TMEM95: variants seen among roughly 807,000 people sequenced by gnomAD.
TMEM95 encodes transmembrane protein 95.
TMEM95 carries 21 observed loss-of-function variants against 27.7 expected under a neutral mutation model. The observed-to-expected ratio is 0.76, with a 90% CI of 0.54 to 1.09. The LOEUF (loss-of-function observed/expected upper bound fraction) is 1.09, where lower values mean the gene tolerates loss of function less well. Ranked by LOEUF, TMEM95 falls within the 50% of genes least tolerant of loss-of-function variation. TMEM95 has a pLI of 0.00. For missense variants in TMEM95, 203 were observed against 217.9 expected, an observed-to-expected ratio of 0.93 and a Z score of 0.43; for synonymous variants, 77 against 85.7, an observed-to-expected ratio of 0.90 and a Z score of 0.56.
Position 7,356,417 on chromosome 17 carries a change from G to T in TMEM95, c.435G>T (p.Lys145Asn). The change falls in exon 6 of 7, where the codon AAG becomes AAT. Residue 145 changes from lysine (K) to asparagine (N), a missense_variant. Physicochemically the swap from Lys to Asn is moderately conservative, Grantham distance 94 (BLOSUM62 0). Coordinates refer to ENST00000576060, the MANE Select transcript of TMEM95 (RefSeq NM_001320436.2). The part of the protein sequence containing the change: ...FPGSQDLWEA[K>N]ILLLSIFGAF... The stretch of plus-strand genomic sequence containing the variant: ...GAAGTCAGGATCTTTGGGAAGCCAA[G>T]ATTCTGCTCCTCTCCATCTTCGGAG... 6.2e-7 allele frequency: 1 copy of T among 1,614,146 alleles called. No homozygotes were observed. Among genetic ancestry groups the T allele is most frequent in the East Asian group, 2.2e-5 (1 of 44,882 alleles).
intron 6 of TMEM95, 35 bp downstream of exon 6, chr17:7,356,514 G>T (rs201061022): frequency 3.7e-6 from 6 of 1,611,818 alleles, no homozygotes; most frequent in Non-Finnish European, 5.1e-6. Context: ...ATCCTACCCC[G>T]CCCAGTGCCT....
chr17:7,356,998 C>A lies in TMEM95; in HGVS notation c.*366C>A. The stretch of plus-strand genomic sequence containing the variant: ...ACACCCACACCCCCTTCTGCCTGTT[C>A]CGGGAAAGCGGGGGCATCTGCCCCA... On this transcript the variant is annotated 3_prime_UTR_variant, in exon 7 of 7. Transcript: ENST00000576060. 3.0e-6 allele frequency: 1 copy of A among 330,796 alleles called. No homozygotes were observed. Among genetic ancestry groups the A allele is most frequent in the Non-Finnish European group, 5.5e-6 (1 of 181,248 alleles). The allele number at this position is 330,796 out of a possible 1,614,324, so 20.5% of individuals were successfully genotyped here. A position where few individuals can be genotyped will look rare whatever the true frequency, so the allele number is the denominator to read the frequency against.
Position 7,355,331 on chromosome 17 carries a change from A to C in TMEM95, c.127A>C (p.Lys43Gln). Reference sequence around the variant, plus strand: ...CTGCAGCCAGATGGAGGCCAGGCAGAAGGAATGTGGGGCCTCCCCAGACTT... The same window carrying C: ...CTGCAGCCAGATGGAGGCCAGGCAGCAGGAATGTGGGGCCTCCCCAGACTT... Reference protein sequence around the residue: ...RLCSQMEARQKECGASPDFSA... With the variant: ...RLCSQMEARQQECGASPDFSA... The change falls in exon 1 of 7, where the codon AAG (lysine) becomes CAG (glutamine). Residue 43 changes from lysine (K) to glutamine (Q), a missense_variant. Coordinates refer to ENST00000576060, the MANE Select transcript of TMEM95 (RefSeq NM_001320436.2). This position sits in a 1 kb window ranked among gnomAD's most constrained non-coding sequence, Gnocchi z 4.9. 2 of 1,614,054 alleles carry C rather than the reference A, an allele frequency of 1.2e-6. No homozygotes were observed. The highest frequency in any genetic ancestry group is 1.7e-6 in the Non-Finnish European group (2 of 1,179,958).
rs757197166 is a variant in TMEM95, at chr17:7,355,420, T to A, written c.169+47T>A. On this transcript the variant is annotated intron_variant, in intron 1 of 6. Coordinates refer to ENST00000576060, the MANE Select transcript of TMEM95 (RefSeq NM_001320436.2). The surrounding 1 kb of genome is among the most constrained non-coding windows in gnomAD (Gnocchi z 4.9). ...TGGGCCCAGCAAGCACTCACCCCCC[T>A]ACCCCCAGAGGGTGGCATGTGACCT... 1 of 1,584,928 alleles carries A rather than the reference T, an allele frequency of 6.3e-7. No individual in the cohort carries two copies. Among genetic ancestry groups the A allele is most frequent in the Non-Finnish European group, 8.6e-7 (1 of 1,162,528 alleles).
chr17:7,356,951 AATCCCC>A lies in TMEM95; in HGVS notation c.*320_*325del. 1 of 425,972 alleles carries A rather than the reference AATCCCC, an allele frequency of 2.3e-6. No individual in the cohort carries two copies. The highest frequency in any genetic ancestry group is 4.2e-6 in the Non-Finnish European group (1 of 239,960). The allele number at this position is 425,972 out of a possible 1,614,324, so 26.4% of individuals were successfully genotyped here. A position where few individuals can be genotyped will look rare whatever the true frequency, so the allele number is the denominator to read the frequency against. On this transcript the variant is annotated 3_prime_UTR_variant, in exon 7 of 7. Transcript: ENST00000576060. Reference sequence around the variant, plus strand: ...CAGGAAAATATCTACAGAAGGAAAGAATCCCCTACGCCACTCCCACCACACCCACAC... The same window carrying A: ...CAGGAAAATATCTACAGAAGGAAAGATACGCCACTCCCACCACACCCACAC...
At position 7,356,303 on chromosome 17, in the gene TMEM95, C is replaced by G. The variant is rs149256252; in HGVS notation, c.409+27C>G. ...TCCTCACGCCCATCTTGGCCCCGCC[C>G]CACCTTGCCCAGATCCCTGAGCCCT... On this transcript the variant is annotated intron_variant, in intron 5 of 6. Coordinates refer to ENST00000576060, the MANE Select transcript of TMEM95 (RefSeq NM_001320436.2). 6.0e-5 allele frequency: 95 copies of G among 1,594,028 alleles called. No individual in the cohort carries two copies. The African/African-American group carries it at 1.0e-3, about 17-fold the overall frequency.
In TMEM95 at chr17:7,355,737, G is replaced by GTAC. The variant is rs1388604217; in HGVS notation, c.226+95_226+96insTAC. The GTAC allele has an allele frequency of 8.9e-6, 13 of 1,467,770 alleles. No individual in the cohort carries two copies. The highest frequency in any genetic ancestry group is 1.2e-5 in the Non-Finnish European group (13 of 1,051,508). 90.9% of individuals were successfully genotyped at this position (1,467,770 alleles called of 1,614,324 possible). A position where few individuals can be genotyped will look rare whatever the true frequency, so the allele number is the denominator to read the frequency against. ...TTGGGGTGGGCAGGGAAGGGTGGAG[G>GTAC]GGTAGAGACAGGAGGGCTGATCAGG... On this transcript the variant is annotated intron_variant, in intron 2 of 6. Transcript: ENST00000576060. This position sits in a 1 kb window ranked among gnomAD's most constrained non-coding sequence, Gnocchi z 4.9.
In TMEM95 at chr17:7,355,285, G is replaced by C. The variant is rs769057672; in HGVS notation, c.81G>C (p.Leu27Phe). 3.7e-6 allele frequency: 6 copies of C among 1,614,090 alleles called. No homozygotes were observed. Residue 27 changes from leucine to phenylalanine, a missense_variant, in exon 1 of 7, where the codon TTG becomes TTC. By Grantham distance (22) the Leu-to-Phe change is conservative. Transcript: ENST00000576060. This position sits in a 1 kb window ranked among gnomAD's most constrained non-coding sequence, Gnocchi z 4.9. ...TCTGTCGCCTCCCAGCCCACGACTT[G>C]TCAGGCCGCCTGGCTCGGCTCTGCA... is the stretch of plus-strand genomic sequence containing the variant. The part of the protein sequence containing the change: ...CVFCRLPAHD[L>F]SGRLARLCSQ...
At position 7,356,383 on chromosome 17, in the gene TMEM95, T is replaced by C. The variant is rs761212450; in HGVS notation, c.410-9T>C. ...CAGAATCATTCACTGCCTCCTGGGT[T>C]CCCTGCAGGAAGTCAGGATCTTTGG... On this transcript the variant is annotated splice_polypyrimidine_tract_variant and intron_variant, in intron 5 of 6. Coordinates refer to ENST00000576060, the MANE Select transcript of TMEM95 (RefSeq NM_001320436.2). The C allele has an allele frequency of 3.0e-5, 49 of 1,613,590 alleles. No homozygotes were observed. Among genetic ancestry groups the C allele is most frequent in the Middle Eastern group, 3.3e-4 (2 of 6,062 alleles).
rs373020071 is a variant in TMEM95, at chr17:7,355,266, G to A, written c.62G>A (p.Arg21His). The change falls in exon 1 of 7, where the codon CGC becomes CAC. Residue 21 changes from arginine to histidine, a missense_variant. Physicochemically the swap from Arg to His is conservative, Grantham distance 29 (BLOSUM62 0). Transcript: ENST00000576060. This position sits in a 1 kb window ranked among gnomAD's most constrained non-coding sequence, Gnocchi z 4.9. ...GCCGCCCAGGCTTGTGTCTTCTGTC[G>A]CCTCCCAGCCCACGACTTGTCAGGC... is the stretch of plus-strand genomic sequence containing the variant. ...LAAAQACVFC[R>H]LPAHDLSGRL... 16 of 1,613,792 alleles carry A rather than the reference G, an allele frequency of 9.9e-6. No homozygotes were observed. The highest frequency in any genetic ancestry group is 5.3e-5 in the African/African-American group (4 of 74,926).
At position 7,356,220 on chromosome 17, in the gene TMEM95, G is replaced by C; in HGVS notation, c.353G>C (p.Cys118Ser). Residue 118 changes from cysteine to serine, a missense_variant, in exon 5 of 7, where the codon TGC becomes TCC. Coordinates refer to ENST00000576060, the MANE Select transcript of TMEM95 (RefSeq NM_001320436.2). ...GGGGGCAGCACCACGCTGTACAACT[G>C]CTCCACCTGCAAGGGGACGGAGGTG... ...ACRGSTTLYNCSTCKGTEVSC... is the reference protein window; with the variant it reads ...ACRGSTTLYNSSTCKGTEVSC... 1 of 1,565,772 alleles carries C rather than the reference G, an allele frequency of 6.4e-7. No homozygotes were observed. The highest frequency in any genetic ancestry group is 8.6e-7 in the Non-Finnish European group (1 of 1,156,314).
At position 7,355,392 on chromosome 17, in the gene TMEM95, G is replaced by A; in HGVS notation, c.169+19G>A. On this transcript the variant is annotated intron_variant, in intron 1 of 6. Coordinates refer to ENST00000576060, the MANE Select transcript of TMEM95 (RefSeq NM_001320436.2). The surrounding 1 kb of genome is among the most constrained non-coding windows in gnomAD (Gnocchi z 4.9). The stretch of plus-strand genomic sequence containing the variant: ...GCCTTAGGTAGGACCAGACATCCAG[G>A]GATGGGCCCAGCAAGCACTCACCCC... 6.2e-7 allele frequency: 1 copy of A among 1,601,590 alleles called. No homozygotes were observed. Among genetic ancestry groups the A allele is most frequent in the East Asian group, 2.2e-5 (1 of 44,608 alleles).
Position 7,356,074 on chromosome 17 carries a change from CA to C in TMEM95, c.328+27del. 3 of 1,614,052 alleles carry C rather than the reference CA, an allele frequency of 1.9e-6. No individual in the cohort carries two copies. The Admixed American group carries it at 5.0e-5, about 27-fold the overall frequency. ...CGTGAGTAGGAAAGGAAAGGGGTAG[CA>C]AGGACCTGGGGCCTGCAGGGTGTCA... On this transcript the variant is annotated intron_variant, in intron 4 of 6. Transcript: ENST00000576060.
In TMEM95 at chr17:7,355,437, A is replaced by G; in HGVS notation, c.169+64A>G. ...CACCCCCCTACCCCCAGAGGGTGGC[A>G]TGTGACCTTCCAGCTGTGCCCTCCA... On this transcript the variant is annotated intron_variant, in intron 1 of 6. Coordinates refer to ENST00000576060, the MANE Select transcript of TMEM95 (RefSeq NM_001320436.2). This position sits in a 1 kb window ranked among gnomAD's most constrained non-coding sequence, Gnocchi z 4.9. The G allele has an allele frequency of 6.4e-7, 1 of 1,572,730 alleles. No homozygotes were observed. Among genetic ancestry groups the G allele is most frequent in the South Asian group, 1.2e-5 (1 of 86,228 alleles).
intron 6 of TMEM95, 21 bp downstream of exon 6, chr17:7,356,500 A>G (rs777275431): frequency 6.2e-7 from 1 of 1,613,520 alleles, no homozygotes; most frequent in Admixed American, 1.7e-5. Context: ...GGATAAAGAC[A>G]GGAATCCTAC....
rs374332620 is a variant in TMEM95, at chr17:7,356,512, C to T, written c.497+33C>T. On this transcript the variant is annotated intron_variant, in intron 6 of 6. Transcript: ENST00000576060. Reference sequence around the variant, plus strand: ...TTGGGATAAAGACAGGAATCCTACCCCGCCCAGTGCCTTCCACCACCCATC... The same window carrying T: ...TTGGGATAAAGACAGGAATCCTACCTCGCCCAGTGCCTTCCACCACCCATC... 1.9e-6 allele frequency: 3 copies of T among 1,612,298 alleles called. No individual in the cohort carries two copies. In the African/African-American group the frequency reaches 4.0e-5, roughly 22 times the overall value.
At position 7,356,186 on chromosome 17, in the gene TMEM95, T is replaced by C. The variant is rs2073497398; in HGVS notation, c.329-10T>C. On this transcript the variant is annotated splice_polypyrimidine_tract_variant and intron_variant, in intron 4 of 6. Transcript: ENST00000576060. ...CCCCTCCCCAGCGTTGCCTCTGCTGTCTCCTGCAGGGGGCAGCACCACGCT... is the reference window on the plus strand; with the variant it reads ...CCCCTCCCCAGCGTTGCCTCTGCTGCCTCCTGCAGGGGGCAGCACCACGCT... The C allele has an allele frequency of 1.3e-6, 2 of 1,574,394 alleles. No homozygotes were observed. The highest frequency in any genetic ancestry group is 1.7e-6 in the Non-Finnish European group (2 of 1,158,476).
At chr17:7,356,329 T>G (rs1193422669) in intron 5 of TMEM95, 53 bp downstream of exon 5, 37 of 1,605,580 alleles carry the variant, frequency 2.3e-5, no homozygotes, top group Non-Finnish European at 3.1e-5. Flanking sequence ...CCTGAGCCCT[T>G]GGGCTCCCAA....
rs1392131982 is a variant in TMEM95 at position 7,355,647 on chromosome 17, G to T, written c.226+5G>T. ...ACAGAGTCCTGAGGGTCATGGGTGA[G>T]GTCAAGGGGAAAGAGTGACCTAGGG... On this transcript the variant is annotated splice_donor_5th_base_variant and intron_variant, in intron 2 of 6. Coordinates refer to ENST00000576060, the MANE Select transcript of TMEM95 (RefSeq NM_001320436.2). The surrounding 1 kb of genome is among the most constrained non-coding windows in gnomAD (Gnocchi z 4.9). The T allele has an allele frequency of 6.4e-7, 1 of 1,562,852 alleles. No individual in the cohort carries two copies. Among genetic ancestry groups the T allele is most frequent in the Non-Finnish European group, 8.7e-7 (1 of 1,152,548 alleles).
Sources: allele counts gnomAD v4.1 joint callset, GRCh38; gene constraint gnomAD v4.1.1; non-coding constraint Gnocchi (gnomAD v3.1); transcripts MANE v1.5; gene names NCBI Gene and HGNC (gene_info 2026-07-23, HGNC 2026-07-21).